SLC25A13: variants seen among roughly 807,000 people sequenced by gnomAD.
SLC25A13 encodes the protein electrogenic aspartate/glutamate antiporter SLC25A13, mitochondrial.
In SLC25A13, 70 loss-of-function variants were observed where a neutral mutation model predicts 85.5. The observed-to-expected ratio is 0.82, with a 90% CI of 0.68 to 1.00. The LOEUF is 1.00. SLC25A13 is among the 50% of genes least tolerant of loss of function. The pLI is 0.00. For synonymous variants in SLC25A13, 259 were observed against 288.7 expected (o/e 0.90, Z 1.04); for missense variants, 765 against 819.8 (o/e 0.93, Z 0.82).
intron 14 of SLC25A13, among the ~76,000 whole-genome samples, chr7:96,137,598 C>T (rs1792340642): frequency 6.6e-6 from 1 of 152,150 alleles, no homozygotes; most frequent in African/African-American, 2.4e-5. Flanking sequence ...GTCATGTCAC[C>T]TTCACAAAGC....
intron 3 of SLC25A13, among the ~76,000 whole-genome samples, chr7:96,269,789 G>A (rs1465217621): frequency 6.6e-6 from 1 of 152,212 alleles, no homozygotes; most frequent in Non-Finnish European, 1.5e-5. Context: ...CTTTAAAAAG[G>A]CAATCCTCTC....
Position 96,322,013 on chromosome 7 carries a change from G to A in SLC25A13, c.-57C>T, listed in dbSNP as rs901486805. 3.5e-5 allele frequency: 53 copies of A among 1,530,514 alleles called. No homozygotes were observed. The highest frequency in any genetic ancestry group is 1.8e-4 in the Middle Eastern group (1 of 5,452). The allele number at this position is 1,530,514 out of a possible 1,614,324, so 94.8% of individuals were successfully genotyped here. On this transcript the variant is annotated 5_prime_UTR_variant, in exon 1 of 18. Transcript: ENST00000265631. ...CCACTGACTGGCTGGCTGGCGTTTG[G>A]GACCCGGGCGGCTCACTTCTAGTCC...
At chr7:96,312,348 T>TAA (rs750415107) in intron 1 of SLC25A13, among the ~76,000 whole-genome samples, 8 of 152,214 alleles carry the variant, frequency 5.3e-5, no homozygotes, top group Non-Finnish European at 8.8e-5. Flanking sequence ...TTAGTAGATA[T>TAA]AAAGTGCTTG....
intron 4 of SLC25A13, among the ~76,000 whole-genome samples, chr7:96,231,125 C>T (rs765824676): frequency 1.6e-4 from 25 of 152,070 alleles, no homozygotes; most frequent in Non-Finnish European, 2.6e-4. Context: ...ACAAACAACA[C>T]TTAAGTGTAA....
At chr7:96,154,965 G>GT (rs548186585) in intron 13 of SLC25A13, among the ~76,000 whole-genome samples, 62 of 151,910 alleles carry the variant, frequency 4.1e-4, no homozygotes, top group African/African-American at 1.4e-3. Context: ...TACCTGGCTA[G>GT]TTTTTTTGTA....
intron 13 of SLC25A13, among the ~76,000 whole-genome samples, chr7:96,154,795 C>CTTTT (rs199642402): frequency 2.5e-5 from 3 of 122,374 alleles, no homozygotes; most frequent in African/African-American, 3.5e-5. Context: ...ATTTCAGCAT[C>CTTTT]TTTTTCTTTT....
intron 3 of SLC25A13, among the ~76,000 whole-genome samples, chr7:96,235,164 A>G (rs979640249): frequency 1.3e-5 from 2 of 152,222 alleles, no homozygotes; most frequent in Admixed American, 1.3e-4. Flanking sequence ...TTTCAAATAT[A>G]ACTGTTTTAT....
At chr7:96,312,054 G>A (rs1002331571) in intron 1 of SLC25A13, among the ~76,000 whole-genome samples, 3 of 152,156 alleles carry the variant, frequency 2.0e-5, no homozygotes, top group African/African-American at 7.2e-5. Flanking sequence ...GATTTTAGCT[G>A]GCTAAAGAGT....
chr7:96,292,443 G>T (rs1420589403), intron 2 of SLC25A13, among the ~76,000 whole-genome samples: 1 of 152,182 alleles, frequency 6.6e-6, no homozygotes, highest in Non-Finnish European at 1.5e-5. Flanking sequence ...AATCAGGCAG[G>T]AGAAAGAAAT....
intron 2 of SLC25A13, among the ~76,000 whole-genome samples, chr7:96,291,199 A>G (rs910136506): frequency 6.6e-6 from 1 of 152,200 alleles, no homozygotes; most frequent in African/African-American, 2.4e-5. Context: ...TAACGAAATG[A>G]AGTCGGAAAT....
intron 2 of SLC25A13, among the ~76,000 whole-genome samples, chr7:96,292,384 G>A (rs1055895278): frequency 5.9e-5 from 9 of 152,180 alleles, no homozygotes; most frequent in South Asian, 4.2e-4. Flanking sequence ...CAAGGATGCC[G>A]TCTCTCACCA....
At chr7:96,279,731 A>C (rs1460776099) in intron 2 of SLC25A13, among the ~76,000 whole-genome samples, 1 of 152,186 alleles carries the variant, frequency 6.6e-6, no homozygotes, top group East Asian at 1.9e-4. Context: ...CAGAGAGTTT[A>C]TCTGAGTTTT....
intron 14 of SLC25A13, among the ~76,000 whole-genome samples, chr7:96,142,018 CAT>C (rs1353783886): frequency 6.6e-6 from 1 of 152,034 alleles, no homozygotes; most frequent in African/African-American, 2.4e-5. Flanking sequence ...AAAAAATTTC[CAT>C]AGTTATTAAA....
At chr7:96,252,737 G>GT (rs1448796682) in intron 3 of SLC25A13, among the ~76,000 whole-genome samples, 3 of 152,104 alleles carry the variant, frequency 2.0e-5, no homozygotes, top group Non-Finnish European at 4.4e-5. Flanking sequence ...TTTGAAGATC[G>GT]TAACAAGGGC....
intron 2 of SLC25A13, among the ~76,000 whole-genome samples, chr7:96,279,248 G>A (rs1238050400): frequency 6.6e-6 from 1 of 152,112 alleles, no homozygotes; most frequent in Non-Finnish European, 1.5e-5. Context: ...TATTTTTCCA[G>A]TTTGATATTT....
intron 3 of SLC25A13, among the ~76,000 whole-genome samples, chr7:96,243,685 C>G (rs758502101): frequency 6.6e-6 from 1 of 152,072 alleles, no homozygotes; most frequent in African/African-American, 2.4e-5. Context: ...GTATTGAGAT[C>G]TGAATGGTGA....
chr7:96,278,129 T>C lies in SLC25A13; in HGVS notation c.70-791A>G, dbSNP rs184307800. ...GCCTGGATAAGAGAGAGCCCATTAA[T>C]TTCTGTTGCATGGAGCCCTAAGGGC... On this transcript the variant is annotated intron_variant, in intron 2 of 17. Transcript: ENST00000265631. Among the ~76,000 whole-genome samples the C allele has an allele frequency of 2.3e-4, 35 of 152,334 alleles. No homozygotes were observed. The East Asian group carries it at 6.6e-3, about 29-fold the overall frequency.
At chr7:96,290,933 C>G (rs1193025640) in intron 2 of SLC25A13, among the ~76,000 whole-genome samples, 1 of 152,130 alleles carries the variant, frequency 6.6e-6, no homozygotes, top group South Asian at 2.1e-4. Context: ...GCAGACCTAA[C>G]AGACATCTAC....
chr7:96,226,812 CTTAT>C (rs1477291378), intron 4 of SLC25A13, among the ~76,000 whole-genome samples: 2 of 151,968 alleles, frequency 1.3e-5, no homozygotes, highest in South Asian at 2.1e-4. Context: ...AGCTTATTCC[CTTAT>C]TTATTATTTC....
Sources: gnomAD v4.1 joint callset for allele counts (sites outside exome capture counted in the v4.1 genomes callset) on GRCh38, gnomAD v4.1.1 for gene constraint, MANE v1.5 for transcripts, NCBI Gene and HGNC (gene_info 2026-07-23, HGNC 2026-07-21) for gene names.